RORB: variants seen among roughly 807,000 people sequenced by gnomAD.
RORB encodes RAR related orphan receptor B, also known as nuclear receptor ROR-beta.
In RORB, 6 loss-of-function variants were observed where a neutral mutation model predicts 59.1. That is an observed-to-expected ratio of 0.10 (90% confidence interval 0.06 to 0.20). The LOEUF (loss-of-function observed/expected upper bound fraction) is 0.20, where lower values mean the gene tolerates loss of function less well. Ranked by LOEUF, RORB falls within the 10% of genes least tolerant of loss-of-function variation. RORB has a pLI of 1.00. For synonymous variants in RORB, 215 were observed against 204.5 expected (o/e 1.05, Z -0.44); for missense variants, 320 against 560.5 (o/e 0.57, Z 4.33).
intron 3 of RORB, among the ~76,000 whole-genome samples, chr9:74,640,105 G>A (rs550959197): frequency 3.3e-5 from 5 of 152,296 alleles, no homozygotes; most frequent in South Asian, 2.1e-4. Context: ...AAGATGGAAA[G>A]GGGAGTTTAG....
rs956113448 is a variant in RORB, at chr9:74,690,429, G to A, written c.*4811G>A. The stretch of plus-strand genomic sequence containing the variant: ...GCCCTGTGGAAAAAGGGACATCCAC[G>A]ATTTACCTGAAACTGAATGCTGCTA... On this transcript the variant is annotated 3_prime_UTR_variant, in exon 10 of 10. Transcript: ENST00000376896. 2.6e-5 allele frequency: 4 copies of A among 152,104 alleles called. No homozygotes were observed. The highest frequency in any genetic ancestry group is 4.4e-5 in the Non-Finnish European group (3 of 68,042). The allele number at this position is 152,104 out of a possible 1,614,324, so 9.4% of individuals were successfully genotyped here.
chr9:74,519,791 G>A (rs1209415305), intron 1 of RORB, among the ~76,000 whole-genome samples: 1 of 151,874 alleles, frequency 6.6e-6, no homozygotes, highest in Non-Finnish European at 1.5e-5. Flanking sequence ...TAAATTAAAT[G>A]TGTCTTCCCA....
At chr9:74,583,850 AG>A (rs1235821290) in intron 1 of RORB, among the ~76,000 whole-genome samples, 1 of 152,258 alleles carries the variant, frequency 6.6e-6, no homozygotes, top group Non-Finnish European at 1.5e-5. Context: ...TACTAGTAAA[AG>A]ATGTCTCTTC....
At chr9:74,631,590 T>A (rs918257341) in intron 2 of RORB, among the ~76,000 whole-genome samples, 3 of 152,046 alleles carry the variant, frequency 2.0e-5, no homozygotes, top group Non-Finnish European at 4.4e-5. Flanking sequence ...AAGGCATGAG[T>A]CTTGGAATTA....
chr9:74,577,389 G>A (rs1474724153), intron 1 of RORB, among the ~76,000 whole-genome samples: 2 of 152,124 alleles, frequency 1.3e-5, no homozygotes, highest in East Asian at 3.9e-4. Flanking sequence ...TCTACTTTTA[G>A]GCATCTACTT....
intron 1 of RORB, among the ~76,000 whole-genome samples, chr9:74,528,909 T>C (rs1343297264): frequency 6.6e-6 from 1 of 151,998 alleles, no homozygotes; most frequent in Non-Finnish European, 1.5e-5. Flanking sequence ...TAAATAACAT[T>C]CCTAAGCTTG....
At chr9:74,567,138 G>A (rs955373651) in intron 1 of RORB, among the ~76,000 whole-genome samples, 1 of 151,538 alleles carries the variant, frequency 6.6e-6, no homozygotes, top group East Asian at 2.0e-4. Flanking sequence ...AGGGATTCCC[G>A]TCTCAACCTC....
intron 1 of RORB, among the ~76,000 whole-genome samples, chr9:74,502,753 C>T (rs1297813742): frequency 2.0e-5 from 3 of 151,934 alleles, no homozygotes; most frequent in Admixed American, 1.3e-4. Flanking sequence ...TTAAGCCTTA[C>T]GACTAAACAT....
intron 4 of RORB, among the ~76,000 whole-genome samples, chr9:74,659,740 T>A (rs1824149950): frequency 6.6e-6 from 1 of 152,038 alleles, no homozygotes; most frequent in South Asian, 2.1e-4. Context: ...AGGCTTTTTT[T>A]AAGGAGAGCT....
At chr9:74,522,284 G>A (rs1826094644) in intron 1 of RORB, among the ~76,000 whole-genome samples, 1 of 151,676 alleles carries the variant, frequency 6.6e-6, no homozygotes, top group African/African-American at 2.4e-5. Flanking sequence ...CACTGAACAT[G>A]CTGAAAATGC....
intron 1 of RORB, among the ~76,000 whole-genome samples, chr9:74,612,223 A>G (rs1236413065): frequency 6.6e-6 from 1 of 152,072 alleles, no homozygotes; most frequent in African/African-American, 2.4e-5. Flanking sequence ...AGCAGAGTGG[A>G]GAGAGGCTGT....
At chr9:74,549,778 A>T (rs1826577462) in intron 1 of RORB, among the ~76,000 whole-genome samples, 1 of 151,964 alleles carries the variant, frequency 6.6e-6, no homozygotes, top group Non-Finnish European at 1.5e-5. Flanking sequence ...CCCAGGCTGG[A>T]GTGCAGTGGC....
rs1824719419 is a variant in RORB at position 74,690,290 on chromosome 9, G to A, written c.*4672G>A. 6.6e-6 allele frequency: 1 copy of A among 152,240 alleles called. No individual in the cohort carries two copies. The highest frequency in any genetic ancestry group is 6.5e-5 in the Admixed American group (1 of 15,276). The allele number at this position is 152,240 out of a possible 1,614,324, so 9.4% of individuals were successfully genotyped here. On this transcript the variant is annotated 3_prime_UTR_variant, in exon 10 of 10. Coordinates refer to ENST00000376896, the MANE Select transcript of RORB (RefSeq NM_006914.4). ...TTGGGTCTCAGGACCAGAGGGTACA[G>A]GGTAGAGGGTAGTTTACCATTTAAA...
At position 74,631,224 on chromosome 9, in the gene RORB, A is replaced by G. The variant is rs181509267; in HGVS notation, c.93+857A>G. ...TTTTAATAATGAATCCTTAGAAGGA[A>G]AGAAAGTGAGTGTGAGAGACATAAT... On this transcript the variant is annotated intron_variant, in intron 2 of 9. Coordinates refer to ENST00000376896, the MANE Select transcript of RORB (RefSeq NM_006914.4). 8.3e-4 allele frequency among the ~76,000 whole-genome samples: 127 copies of G among 152,376 alleles called. 1 individual carries two copies. Among genetic ancestry groups the G allele is most frequent in the African/African-American group, 2.9e-3 (119 of 41,586 alleles).
At chr9:74,596,297 G>A (rs1475462667) in intron 1 of RORB, among the ~76,000 whole-genome samples, 2 of 152,106 alleles carry the variant, frequency 1.3e-5, no homozygotes, top group Admixed American at 6.6e-5. Context: ...GCATTTTTTA[G>A]AAAAGAGAAT....
chr9:74,543,701 T>C lies in RORB; in HGVS notation c.7+45718T>C, dbSNP rs17684492. Reference sequence around the variant, plus strand: ...TATGTCCAAATGAAAACAAATTGAGTCAGTAAATAATATCTCCCTAATCAC... The same window carrying C: ...TATGTCCAAATGAAAACAAATTGAGCCAGTAAATAATATCTCCCTAATCAC... On this transcript the variant is annotated intron_variant, in intron 1 of 9. Coordinates refer to ENST00000376896, the MANE Select transcript of RORB (RefSeq NM_006914.4). 7.3e-3 allele frequency among the ~76,000 whole-genome samples: 1,115 copies of C among 152,254 alleles called. 15 individuals are homozygous for C. Among genetic ancestry groups the C allele is most frequent in the Non-Finnish European group, 8.9e-3 (604 of 68,006 alleles).
intron 1 of RORB, among the ~76,000 whole-genome samples, chr9:74,513,132 G>T (rs1287247103): frequency 6.6e-6 from 1 of 152,082 alleles, no homozygotes. Context: ...TTAAAGAAGT[G>T]AGTTCAATTG....
At chr9:74,615,433 C>CT (rs1373740564) in intron 1 of RORB, among the ~76,000 whole-genome samples, 1 of 152,204 alleles carries the variant, frequency 6.6e-6, no homozygotes, top group Non-Finnish European at 1.5e-5. Flanking sequence ...GCCTTTCACC[C>CT]TTACTTAATG....
At chr9:74,514,784 T>G (rs1825985462) in intron 1 of RORB, among the ~76,000 whole-genome samples, 1 of 151,280 alleles carries the variant, frequency 6.6e-6, no homozygotes, top group Admixed American at 6.6e-5. Flanking sequence ...CTAGAAGTAC[T>G]AGGCAGCTTG....
Sources: allele counts gnomAD v4.1 joint callset (sites outside exome capture counted in the v4.1 genomes callset), GRCh38; gene constraint gnomAD v4.1.1; transcripts MANE v1.5; gene names NCBI Gene and HGNC (gene_info 2026-07-23, HGNC 2026-07-21).